CPLX2: variants seen among roughly 807,000 people sequenced by gnomAD.
CPLX2 encodes the protein complexin-2.
A neutral mutation model predicts 16.3 loss-of-function variants in CPLX2; 5 were observed. The ratio of observed to expected loss-of-function variants is 0.31; its 90% CI spans 0.16 to 0.64. The LOEUF (loss-of-function observed/expected upper bound fraction) is 0.64. Among genes scored for constraint, CPLX2 ranks in the 30% least tolerant of loss-of-function variants. The probability of loss-of-function intolerance (pLI) is 0.79; values close to 1 mark genes in which losing one functional copy is unlikely to be tolerated. For synonymous variants in CPLX2, 89 were observed against 73.2 expected, an observed-to-expected ratio of 1.22 and a Z score of -1.10; for missense variants, 144 against 181.4, an observed-to-expected ratio of 0.79 and a Z score of 1.18.
intron 1 of CPLX2, among the ~76,000 whole-genome samples, chr5:175,797,563 G>A (rs1246437302): frequency 1.2e-4 from 18 of 152,126 alleles, no homozygotes; most frequent in Non-Finnish European, 2.2e-4. Context: ...AGAAGCCCGC[G>A]GCTGGCAGCT....
chr5:175,850,082 C>T (rs915087608), intron 2 of CPLX2, among the ~76,000 whole-genome samples: 2 of 152,096 alleles, frequency 1.3e-5, no homozygotes, highest in Non-Finnish European at 2.9e-5. Flanking sequence ...AGGGCAATGG[C>T]GCAGGCCGAG....
chr5:175,809,640 C>G lies in CPLX2; in HGVS notation c.-89+572C>G, dbSNP rs985688478. On this transcript the variant is annotated intron_variant, in intron 2 of 4. Coordinates refer to the CPLX2 transcript ENST00000359546. This position sits in a 1 kb window ranked among gnomAD's most constrained non-coding sequence, Gnocchi z 4.4. ...ATCCCCCATGCCACCCCCTCCCCAG[C>G]CCAGGATCCCAACCATCTTATGGGT... is the stretch of plus-strand genomic sequence containing the variant. 6.6e-6 allele frequency among the ~76,000 whole-genome samples: 1 copy of G among 152,082 alleles called. No individual in the cohort carries two copies. The highest frequency in any genetic ancestry group is 1.5e-5 in the Non-Finnish European group (1 of 68,020).
Position 175,827,027 on chromosome 5 carries a change from G to A in CPLX2, c.-89+17959G>A, listed in dbSNP as rs567977513. Among the ~76,000 whole-genome samples, 177 of 152,242 alleles carry A rather than the reference G, an allele frequency of 1.2e-3. 2 individuals carry two copies. The highest frequency in any genetic ancestry group is 4.1e-3 in the African/African-American group (170 of 41,544). ...TTCCTCTGTGTCCAGGCCAGCTCTC[G>A]TCACAGGGTGGTTTCTGCTGCTCCA... On this transcript the variant is annotated intron_variant, in intron 2 of 4. Transcript: ENST00000359546.
In CPLX2 at chr5:175,831,289, C is replaced by T. The variant is rs572662354; in HGVS notation, c.-89+22221C>T. Among the ~76,000 whole-genome samples, 3 of 152,316 alleles carry T rather than the reference C, an allele frequency of 2.0e-5. No individual in the cohort carries two copies. In the South Asian group the frequency reaches 6.2e-4, roughly 32 times the overall value. On this transcript the variant is annotated intron_variant, in intron 2 of 4. Transcript: ENST00000359546. ...AGCTCCCTCCCTTCTCTCCCCACTG[C>T]TCAAGTCACAGAAGGGGAAATCGTA...
chr5:175,878,910 G>T lies in CPLX2; in HGVS notation c.34G>T (p.Ala12Ser). The T allele has an allele frequency of 6.2e-7, 1 of 1,612,898 alleles. No homozygotes were observed. Among genetic ancestry groups the T allele is most frequent in the Non-Finnish European group, 8.5e-7 (1 of 1,179,522 alleles). The change falls in exon 3 of 4, where the codon GCC becomes TCC. Residue 12 changes from alanine (A) to serine (S), a missense_variant and splice_region_variant. Ala to Ser is a moderately conservative substitution (Grantham distance 99). Coordinates refer to ENST00000393745, the MANE Select transcript of CPLX2 (RefSeq NM_001008220.2). Reference protein sequence around the residue: ...DFVMKQALGGATKDMGKMLGG... With the variant: ...DFVMKQALGGSTKDMGKMLGG... ...TCCTTCCCACCCCTTCCTCGTAGGGGCCACAAAGGACATGGGGAAGATGCT... is the reference window on the plus strand; with the variant it reads ...TCCTTCCCACCCCTTCCTCGTAGGGTCCACAAAGGACATGGGGAAGATGCT...
At chr5:175,853,869 TA>T (rs1466071858) in intron 2 of CPLX2, among the ~76,000 whole-genome samples, 1 of 152,130 alleles carries the variant, frequency 6.6e-6, no homozygotes, top group African/African-American at 2.4e-5. Context: ...GCCCACTTTC[TA>T]GGTCTGTTGA....
intron 2 of CPLX2, among the ~76,000 whole-genome samples, chr5:175,829,544 A>G (rs755807337): frequency 6.6e-6 from 1 of 152,102 alleles, no homozygotes; most frequent in African/African-American, 2.4e-5. Context: ...GGTCTTTTGG[A>G]GAAGCCACTT....
rs1280084137 is a variant in CPLX2 at position 175,872,939 on chromosome 5, T to C, written c.-89+1234T>C. The C allele has an allele frequency of 6.6e-6, 1 of 152,106 alleles. No individual in the cohort carries two copies. The highest frequency in any genetic ancestry group is 2.4e-5 in the African/African-American group (1 of 41,384). 9.4% of individuals were successfully genotyped at this position (152,106 alleles called of 1,614,324 possible). A position where few individuals can be genotyped will look rare whatever the true frequency, so the allele number is the denominator to read the frequency against. ...GCTCAGATGGTCGAGCCTGAGTCGGTGCTTGGGCTGGGACGGGCTCGGAGG... is the reference window on the plus strand; with the variant it reads ...GCTCAGATGGTCGAGCCTGAGTCGGCGCTTGGGCTGGGACGGGCTCGGAGG... On this transcript the variant is annotated intron_variant, in intron 1 of 3. Transcript: ENST00000393745. This position sits in a 1 kb window ranked among gnomAD's most constrained non-coding sequence, Gnocchi z 5.0.
chr5:175,826,383 G>A lies in CPLX2; in HGVS notation c.-89+17315G>A, dbSNP rs920490037. Among the ~76,000 whole-genome samples the A allele has an allele frequency of 5.3e-5, 8 of 152,224 alleles. No individual in the cohort carries two copies. In the East Asian group the frequency reaches 9.7e-4, roughly 18 times the overall value. ...GAGCGCAAGGCTGGGCCAGATGTTC[G>A]AAGGCCTTGAATGCTATTCCCAGTG... is the stretch of plus-strand genomic sequence containing the variant. On this transcript the variant is annotated intron_variant, in intron 2 of 4. Transcript: ENST00000359546.
chr5:175,801,777 G>A (rs1264641132), intron 1 of CPLX2, among the ~76,000 whole-genome samples: 1 of 152,218 alleles, frequency 6.6e-6, no homozygotes, highest in Non-Finnish European at 1.5e-5. Context: ...AAATGGAGAT[G>A]GGCGAGCCGG....
At chr5:175,852,013 T>C (rs545614423) in intron 2 of CPLX2, among the ~76,000 whole-genome samples, 2 of 152,344 alleles carry the variant, frequency 1.3e-5, no homozygotes, top group East Asian at 3.9e-4. Context: ...ACAGCAATGA[T>C]TCCAGCTAAA....
chr5:175,828,174 T>A (rs1398159491), intron 2 of CPLX2, among the ~76,000 whole-genome samples: 1 of 152,242 alleles, frequency 6.6e-6, no homozygotes, highest in East Asian at 1.9e-4. Flanking sequence ...CTAATATCTA[T>A]TGCACATCCT....
chr5:175,813,034 C>G (rs544044020), intron 2 of CPLX2, among the ~76,000 whole-genome samples: 1 of 152,310 alleles, frequency 6.6e-6, no homozygotes, highest in Non-Finnish European at 1.5e-5. Context: ...ACATTCTCAG[C>G]CACGAGCCAC....
chr5:175,869,990 G>A (rs4370293), upstream of CPLX2, among the ~76,000 whole-genome samples: 80,139 of 152,076 alleles, frequency 0.53, 22,911 homozygotes, highest in East Asian at 0.82. Flanking sequence ...GAGGGGACGG[G>A]GAGGACTGTG....
chr5:175,799,550 A>ATATATATTTT lies in CPLX2; in HGVS notation c.-169+2773_-169+2774insTTTTATATAT, dbSNP rs1561766320. Among the ~76,000 whole-genome samples the ATATATATTTT allele has an allele frequency of 7.5e-4, 29 of 38,478 alleles. 1 individual carries two copies. In the East Asian group the frequency reaches 1.0e-2, roughly 13 times the overall value. 25.2% of individuals were successfully genotyped at this position (38,478 alleles called of 152,430 possible). ...CCCTTTGCAAATTTCATATATATAT[A>ATATATATTTT]TATATATATATATATATATATATAT... is the stretch of plus-strand genomic sequence containing the variant. On this transcript the variant is annotated intron_variant, in intron 1 of 4. Coordinates refer to the CPLX2 transcript ENST00000359546.
chr5:175,867,368 C>T (rs1377727904), upstream of CPLX2, among the ~76,000 whole-genome samples: 2 of 152,154 alleles, frequency 1.3e-5, no homozygotes, highest in African/African-American at 4.8e-5. Context: ...CAGGACTACA[C>T]CATTTCATAC....
upstream of CPLX2, among the ~76,000 whole-genome samples, chr5:175,869,602 C>G (rs751670436): frequency 6.6e-6 from 1 of 152,180 alleles, no homozygotes; most frequent in East Asian, 1.9e-4. Flanking sequence ...TTGCCAGGCA[C>G]GTTACTAAGC....
intron 2 of CPLX2, among the ~76,000 whole-genome samples, chr5:175,824,267 T>C (rs1398824490): frequency 6.6e-6 from 1 of 152,254 alleles, no homozygotes; most frequent in Non-Finnish European, 1.5e-5. Context: ...GACACTTAAC[T>C]GCCAGTCAGA....
At chr5:175,854,778 T>C (rs1365327849) in intron 2 of CPLX2, among the ~76,000 whole-genome samples, 2 of 151,948 alleles carry the variant, frequency 1.3e-5, no homozygotes, top group Non-Finnish European at 2.9e-5. Flanking sequence ...AGTGTCAGAG[T>C]GATACAACAC....
Sources: allele counts gnomAD v4.1 joint callset (sites outside exome capture counted in the v4.1 genomes callset), GRCh38; gene constraint gnomAD v4.1.1; non-coding constraint Gnocchi (gnomAD v3.1); transcripts MANE v1.5; gene names NCBI Gene and HGNC (gene_info 2026-07-23, HGNC 2026-07-21).